PDE4B: variants seen among roughly 807,000 people sequenced by gnomAD.
The protein encoded by PDE4B is 3',5'-cyclic-AMP phosphodiesterase 4B.
Under a neutral mutation model 82.2 loss-of-function variants are expected in PDE4B, and 20 were observed. That is an observed-to-expected ratio of 0.24 (90% confidence interval 0.17 to 0.35). The LOEUF is 0.35. Ranked by LOEUF, PDE4B falls within the 10% of genes least tolerant of loss-of-function variation. The probability of loss-of-function intolerance (pLI) is 1.00; values close to 1 mark genes in which losing one functional copy is unlikely to be tolerated. For missense variants in PDE4B, 655 were observed against 907.2 expected (o/e 0.72, Z 3.57); for synonymous variants, 320 against 318.9 (o/e 1.00, Z -0.04).
chr1:66,247,733 T>G, intron 4 of PDE4B, 79 bp downstream of exon 4: 1 of 1,032,804 alleles, frequency 9.7e-7, no homozygotes, highest in South Asian at 1.7e-5. Context: ...CAACAACAAT[T>G]CCCCATTAAT....
At chr1:65,943,020 T>A (rs185763134) in intron 3 of PDE4B, among the ~76,000 whole-genome samples, 54 of 152,118 alleles carry the variant, frequency 3.5e-4, no homozygotes, top group African/African-American at 1.2e-3. Flanking sequence ...TTTGATATAA[T>A]CCCAATTGTT....
intron 8 of PDE4B, among the ~76,000 whole-genome samples, chr1:66,340,424 A>T (rs1660888672): frequency 6.6e-6 from 1 of 152,182 alleles, no homozygotes; most frequent in African/African-American, 2.4e-5. Context: ...AAATCTTGCC[A>T]TTCTGTTCAA....
At chr1:66,299,114 T>A (rs1484650267) in intron 7 of PDE4B, among the ~76,000 whole-genome samples, 3 of 152,172 alleles carry the variant, frequency 2.0e-5, no homozygotes, top group Admixed American at 6.5e-5. Flanking sequence ...TTTGAACGTA[T>A]ACAATAAATT....
chr1:65,835,362 T>C (rs1003730596), intron 1 of PDE4B, among the ~76,000 whole-genome samples: 1 of 152,180 alleles, frequency 6.6e-6, no homozygotes, highest in East Asian at 1.9e-4. Context: ...TTGACATTTT[T>C]CCTCTCTTGT....
intron 3 of PDE4B, among the ~76,000 whole-genome samples, chr1:66,079,789 A>G (rs530701523): frequency 6.6e-6 from 1 of 152,286 alleles, no homozygotes; most frequent in Non-Finnish European, 1.5e-5. Context: ...AAGTATTAAA[A>G]TGAAGTATGT....
At chr1:65,962,260 A>G (rs76141597) in intron 3 of PDE4B, among the ~76,000 whole-genome samples, 1 of 152,150 alleles carries the variant, frequency 6.6e-6, no homozygotes, top group African/African-American at 2.4e-5. Context: ...CATCCCTTTC[A>G]CAACTTCCTA....
intron 8 of PDE4B, chr1:66,354,847 A>G (rs1306428109): frequency 6.5e-7 from 1 of 1,535,732 alleles, no homozygotes; most frequent in South Asian, 1.2e-5. Context: ...GCATTCCAAA[A>G]TGCCTGAGGC....
At chr1:66,330,731 GA>G in intron 7 of PDE4B, 1 of 980,862 alleles carries the variant, frequency 1.0e-6, no homozygotes, top group Non-Finnish European at 1.2e-6. Flanking sequence ...TGCTCTTCTG[GA>G]AGCAAACAGA....
At chr1:65,874,213 CTGTT>C (rs1366543777) in intron 1 of PDE4B, among the ~76,000 whole-genome samples, 1 of 151,396 alleles carries the variant, frequency 6.6e-6, no homozygotes, top group Non-Finnish European at 1.5e-5. Flanking sequence ...ATTTGGCTCT[CTGTT>C]TGTCTGTTGT....
rs1263779066 is a variant in PDE4B at position 65,953,959 on chromosome 1, C to T, written c.281+35124C>T. On this transcript the variant is annotated intron_variant, in intron 3 of 16. Transcript: ENST00000341517. The stretch of plus-strand genomic sequence containing the variant: ...TGTTGCCTAGGCTGGAGTGTAGTGG[C>T]ATGATCTTGGCTCACTGCAATCTCC... 3.3e-5 allele frequency among the ~76,000 whole-genome samples: 5 copies of T among 152,196 alleles called. No individual in the cohort carries two copies. The East Asian group carries it at 9.7e-4, about 29-fold the overall frequency.
chr1:66,008,142 T>G (rs1652257010), intron 3 of PDE4B, among the ~76,000 whole-genome samples: 1 of 152,130 alleles, frequency 6.6e-6, no homozygotes. Flanking sequence ...TGGGGTTTAA[T>G]TTGGGGAGAA....
chr1:66,171,786 G>C (rs1347154613), intron 3 of PDE4B, among the ~76,000 whole-genome samples: 1 of 152,086 alleles, frequency 6.6e-6, no homozygotes, highest in Non-Finnish European at 1.5e-5. Flanking sequence ...ACCCAGCATA[G>C]TTCCTGGCAC....
chr1:65,903,557 G>A (rs562688327), intron 1 of PDE4B, among the ~76,000 whole-genome samples: 1 of 151,868 alleles, frequency 6.6e-6, no homozygotes, highest in South Asian at 2.1e-4. Flanking sequence ...TCGTGCCTGG[G>A]CAATAGAGCA....
chr1:66,290,186 G>C (rs1656967108), intron 7 of PDE4B, among the ~76,000 whole-genome samples: 1 of 152,126 alleles, frequency 6.6e-6, no homozygotes, highest in Non-Finnish European at 1.5e-5. Flanking sequence ...GAGTTGCACA[G>C]ATCTAGAAGG....
At position 65,851,366 on chromosome 1, in the gene PDE4B, T is replaced by G. The variant is rs1364582582; in HGVS notation, c.-71+58118T>G. Among the ~76,000 whole-genome samples the G allele has an allele frequency of 2.6e-5, 4 of 152,208 alleles. No individual in the cohort carries two copies. In the South Asian group the frequency reaches 8.3e-4, roughly 32 times the overall value. ...ATATGTTAGAATCATATAATTAATA[T>G]TTACAAAAGCATTTGCTGAGATTTT... is the stretch of plus-strand genomic sequence containing the variant. On this transcript the variant is annotated intron_variant, in intron 1 of 16. Coordinates refer to ENST00000341517, the MANE Select transcript of PDE4B (RefSeq NM_002600.4).
At chr1:65,997,053 C>T (rs554731773) in intron 3 of PDE4B, among the ~76,000 whole-genome samples, 2 of 152,216 alleles carry the variant, frequency 1.3e-5, no homozygotes, top group East Asian at 1.9e-4. Flanking sequence ...CAACTTCAGT[C>T]GTCAGTTCTC....
intron 1 of PDE4B, among the ~76,000 whole-genome samples, chr1:65,797,046 A>G (rs1485148927): frequency 6.7e-6 from 1 of 150,260 alleles, no homozygotes; most frequent in Non-Finnish European, 1.5e-5. Flanking sequence ...TCCACCTCCC[A>G]GGTTCACGCC....
chr1:65,811,862 A>G (rs945097751), intron 1 of PDE4B, among the ~76,000 whole-genome samples: 1 of 152,316 alleles, frequency 6.6e-6, no homozygotes, highest in Admixed American at 6.5e-5. Flanking sequence ...TGCCTAAGAC[A>G]ACTTGAAAGC....
At chr1:66,191,186 T>C (rs531022897) in intron 3 of PDE4B, among the ~76,000 whole-genome samples, 6 of 152,278 alleles carry the variant, frequency 3.9e-5, no homozygotes, top group Admixed American at 6.5e-5. Flanking sequence ...AAATGGTATG[T>C]ATTGTCTAGG....
Sources: gnomAD v4.1 joint callset for allele counts (sites outside exome capture counted in the v4.1 genomes callset) on GRCh38, gnomAD v4.1.1 for gene constraint, MANE v1.5 for transcripts, NCBI Gene and HGNC (gene_info 2026-07-23, HGNC 2026-07-21) for gene names.